Variants in ATP10B observed in about 807,000 individuals in gnomAD.
ATP10B encodes the protein ATPase phospholipid transporting 10B (putative).
A neutral mutation model predicts 141.2 loss-of-function variants in ATP10B; 122 were observed. The ratio of observed to expected loss-of-function variants is 0.86; its 90% CI spans 0.75 to 1.00. ATP10B has a LOEUF of 1.00. ATP10B is among the 50% of genes least tolerant of loss of function. The probability of loss-of-function intolerance (pLI) is 0.00; values close to 1 mark genes in which losing one functional copy is unlikely to be tolerated. For missense variants in ATP10B, 1,876 were observed against 1,825.3 expected (o/e 1.03, Z -0.51); for synonymous variants, 685 against 692.0 (o/e 0.99, Z 0.16).
At chr5:160,613,293 C>T (rs1229963196) in intron 17 of ATP10B, among the ~76,000 whole-genome samples, 1 of 152,032 alleles carries the variant, frequency 6.6e-6, no homozygotes, top group Admixed American at 6.6e-5. Context: ...GTAGAGGGAT[C>T]AGTGTGTGTG....
chr5:160,901,115 G>A, the ATP10B span, among the ~76,000 whole-genome samples: 1 of 151,956 alleles, frequency 6.6e-6, no homozygotes, highest in Non-Finnish European at 1.5e-5. Flanking sequence ...GTCACCACAA[G>A]CCAAACTGAG....
At chr5:160,799,973 G>A (rs548611854) in intron 1 of ATP10B, among the ~76,000 whole-genome samples, 5 of 152,290 alleles carry the variant, frequency 3.3e-5, no homozygotes, top group Admixed American at 3.3e-4. Context: ...GCCAGTTACT[G>A]AACCAAATGT....
chr5:160,857,000 A>G (rs1361941449), upstream of ATP10B, among the ~76,000 whole-genome samples: 2 of 151,796 alleles, frequency 1.3e-5, no homozygotes, highest in South Asian at 4.1e-4. Flanking sequence ...ATTTATATTC[A>G]TGAAGGCTTT....
chr5:160,829,788 T>C (rs1489059165), intron 1 of ATP10B, among the ~76,000 whole-genome samples: 1 of 152,140 alleles, frequency 6.6e-6, no homozygotes, highest in Non-Finnish European at 1.5e-5. Context: ...CTACTGATTT[T>C]TGTATATTGA....
At chr5:160,798,888 A>G (rs1772155851) in intron 1 of ATP10B, among the ~76,000 whole-genome samples, 1 of 151,164 alleles carries the variant, frequency 6.6e-6, no homozygotes, top group Non-Finnish European at 1.5e-5. Flanking sequence ...AGTAGCTGTG[A>G]TTGCAGGGAT....
intron 1 of ATP10B, among the ~76,000 whole-genome samples, chr5:160,801,223 C>T (rs185932900): frequency 2.2e-4 from 34 of 152,268 alleles, no homozygotes; most frequent in African/African-American, 5.8e-4. Context: ...GCTAAAATGA[C>T]GCTACTTTAT....
At chr5:160,775,139 T>G (rs549916822) in intron 2 of ATP10B, among the ~76,000 whole-genome samples, 1 of 152,316 alleles carries the variant, frequency 6.6e-6, no homozygotes, top group African/African-American at 2.4e-5. Flanking sequence ...GTGGCCGTGT[T>G]TATCAGTCAG....
intron 1 of ATP10B, among the ~76,000 whole-genome samples, chr5:160,821,231 GAA>G (rs1774076635): frequency 6.6e-6 from 1 of 151,812 alleles, no homozygotes; most frequent in Admixed American, 6.6e-5. Flanking sequence ...TGAACAATCT[GAA>G]AAAGAAATGT....
the ATP10B span, among the ~76,000 whole-genome samples, chr5:160,923,203 G>A: frequency 2.0e-5 from 3 of 152,174 alleles, no homozygotes; most frequent in African/African-American, 7.2e-5. Context: ...CATGTCCTCA[G>A]TATTAGCTTC....
chr5:160,835,802 G>C (rs11135127), intron 1 of ATP10B, among the ~76,000 whole-genome samples: 88,351 of 151,994 alleles, frequency 0.58, 28,656 homozygotes, highest in East Asian at 0.85. Flanking sequence ...AAAAACAGCA[G>C]GTCCTTCATG....
chr5:160,868,917 G>A, the ATP10B span, among the ~76,000 whole-genome samples: 112 of 152,134 alleles, frequency 7.4e-4, 1 homozygote, highest in East Asian at 0.019. Flanking sequence ...ACAGAAACAG[G>A]AAACCAAGAA....
At chr5:160,592,201 T>C (rs930675325) in intron 22 of ATP10B, among the ~76,000 whole-genome samples, 5 of 152,216 alleles carry the variant, frequency 3.3e-5, no homozygotes, top group Middle Eastern at 3.2e-3. Context: ...TTTTGAGTTC[T>C]AAGTTTTGCC....
At chr5:160,867,075 T>C in the ATP10B span, among the ~76,000 whole-genome samples, 1 of 152,112 alleles carries the variant, frequency 6.6e-6, no homozygotes, top group Non-Finnish European at 1.5e-5. Flanking sequence ...TTAGATAAAT[T>C]ACCTAACTTT....
At chr5:160,668,287 G>A (rs927498328) in intron 7 of ATP10B, among the ~76,000 whole-genome samples, 1 of 151,502 alleles carries the variant, frequency 6.6e-6, no homozygotes, top group Non-Finnish European at 1.5e-5. Context: ...CTTGCATGTG[G>A]TGAGGCTAAG....
At chr5:160,881,653 A>C in the ATP10B span, among the ~76,000 whole-genome samples, 1 of 152,020 alleles carries the variant, frequency 6.6e-6, no homozygotes, top group Admixed American at 6.6e-5. Context: ...TCTACTAAAA[A>C]TATAAAAAAT....
At chr5:160,804,786 TAAATA>T (rs899680926) in intron 1 of ATP10B, among the ~76,000 whole-genome samples, 2 of 152,208 alleles carry the variant, frequency 1.3e-5, no homozygotes, top group South Asian at 2.1e-4. Flanking sequence ...CTTTTCCTTA[TAAATA>T]AAATAGAAAT....
At chr5:160,736,906 T>TAGA (rs1767158843) in intron 2 of ATP10B, among the ~76,000 whole-genome samples, 1 of 152,260 alleles carries the variant, frequency 6.6e-6, no homozygotes, top group Non-Finnish European at 1.5e-5. Flanking sequence ...TAACTCATTC[T>TAGA]ATGAGGCCAA....
the ATP10B span, among the ~76,000 whole-genome samples, chr5:160,870,383 G>A: frequency 6.6e-6 from 1 of 151,446 alleles, no homozygotes; most frequent in Non-Finnish European, 1.5e-5. Flanking sequence ...AAAATACGAG[G>A]TGTACTAAAA....
At chr5:160,706,937 G>C (rs1343932039) in intron 3 of ATP10B, among the ~76,000 whole-genome samples, 1 of 150,384 alleles carries the variant, frequency 6.6e-6, no homozygotes, top group Non-Finnish European at 1.5e-5. Flanking sequence ...CTGTTGGTTT[G>C]TTTTAATATT....
Sources: allele counts gnomAD v4.1 joint callset (sites outside exome capture counted in the v4.1 genomes callset), GRCh38; gene constraint gnomAD v4.1.1; transcripts MANE v1.5; gene names NCBI Gene and HGNC (gene_info 2026-07-23, HGNC 2026-07-21).